INSYN2A: variants seen among roughly 807,000 people sequenced by gnomAD.
INSYN2A encodes family with sequence similarity 196 member A.
Under a neutral mutation model 39.4 loss-of-function variants are expected in INSYN2A, and 17 were observed. The observed-to-expected ratio is 0.43, with a 90% CI of 0.30 to 0.65. INSYN2A has a LOEUF of 0.65. INSYN2A is among the 30% of genes least tolerant of loss of function. The pLI, the probability that INSYN2A is intolerant of heterozygous loss-of-function variation, is 0.14. For synonymous variants in INSYN2A, 255 were observed against 265.7 expected (o/e 0.96, Z 0.39); for missense variants, 595 against 631.2 (o/e 0.94, Z 0.61).
intron 2 of INSYN2A, among the ~76,000 whole-genome samples, chr10:127,184,736 T>C (rs1365491888): frequency 6.6e-6 from 1 of 152,226 alleles, no homozygotes; most frequent in African/African-American, 2.4e-5. Context: ...CAGTCTCTAC[T>C]TTGTGTCTTC....
intron 4 of INSYN2A, among the ~76,000 whole-genome samples, chr10:127,158,966 G>A (rs1346754528): frequency 6.6e-6 from 1 of 152,004 alleles, no homozygotes; most frequent in Admixed American, 6.6e-5. Flanking sequence ...TTTATCCCAG[G>A]GACCAATTTG....
chr10:127,194,729 G>A (rs1027208734), intron 1 of INSYN2A, among the ~76,000 whole-genome samples: 5 of 152,124 alleles, frequency 3.3e-5, no homozygotes, highest in African/African-American at 4.8e-5. Context: ...AGGGGGGAGC[G>A]TTCAAGTGCA....
chr10:127,138,759 C>G (rs1013351846), intron 5 of INSYN2A, among the ~76,000 whole-genome samples: 3 of 152,198 alleles, frequency 2.0e-5, no homozygotes, highest in Admixed American at 1.3e-4. Context: ...ATTTGCCAAG[C>G]AGTGATAATG....
intron 2 of INSYN2A, among the ~76,000 whole-genome samples, chr10:127,185,541 G>A (rs1190486275): frequency 2.0e-5 from 3 of 152,112 alleles, no homozygotes; most frequent in African/African-American, 4.8e-5. Context: ...CTTAGAGCTG[G>A]GACCTTAGCT....
At chr10:127,157,102 G>A (rs928731080) in intron 4 of INSYN2A, among the ~76,000 whole-genome samples, 4 of 152,308 alleles carry the variant, frequency 2.6e-5, no homozygotes, top group South Asian at 2.1e-4. Context: ...ATAAATGAGC[G>A]AACGGTTAAT....
rs780028933 is a variant in INSYN2A at position 127,175,746 on chromosome 10, G to A, written c.650C>T (p.Ser217Phe). 6 of 1,614,118 alleles carry A rather than the reference G, an allele frequency of 3.7e-6. No individual in the cohort carries two copies. The highest frequency in any genetic ancestry group is 1.7e-5 in the Admixed American group (1 of 60,030). The change falls in exon 4 of 6, where the codon TCC becomes TTC. Residue 217 changes from serine (S) to phenylalanine (F), a missense_variant. Coordinates refer to ENST00000522781, the MANE Select transcript of INSYN2A (RefSeq NM_001039762.3). This position sits in a 1 kb window ranked among gnomAD's most constrained non-coding sequence, Gnocchi z 6.3. Reference sequence around the variant, plus strand: ...GAGCAGCTGGTAATCGGGCTCTTCGGATGGAGGCCGAGTGGAGTTTTGGAG... The same window carrying A: ...GAGCAGCTGGTAATCGGGCTCTTCGAATGGAGGCCGAGTGGAGTTTTGGAG... ...AALQNSTRPP[S>F]EEPDYQLLGR...
At chr10:127,150,903 G>T (rs2052424759) in intron 5 of INSYN2A, among the ~76,000 whole-genome samples, 2 of 152,190 alleles carry the variant, frequency 1.3e-5, no homozygotes, top group Admixed American at 6.5e-5. Context: ...TGTAGTGGGG[G>T]TGCCACATTC....
At chr10:127,161,682 T>C (rs1004997817) in intron 4 of INSYN2A, among the ~76,000 whole-genome samples, 6 of 152,268 alleles carry the variant, frequency 3.9e-5, no homozygotes, top group African/African-American at 1.4e-4. Context: ...GCAGCTGTTC[T>C]TTACGGATCC....
At chr10:127,192,265 A>G (rs1203489008) in intron 2 of INSYN2A, among the ~76,000 whole-genome samples, 4 of 152,208 alleles carry the variant, frequency 2.6e-5, no homozygotes, top group African/African-American at 9.6e-5. Context: ...AATATTCACA[A>G]ATAATGACTT....
Position 127,176,976 on chromosome 10 carries a change from T to A in INSYN2A, c.-105A>T, listed in dbSNP as rs1289340385. On this transcript the variant is annotated 5_prime_UTR_variant, in exon 3 of 6. Coordinates refer to ENST00000522781, the MANE Select transcript of INSYN2A (RefSeq NM_001039762.3). The surrounding 1 kb of genome is among the most constrained non-coding windows in gnomAD (Gnocchi z 4.4). ...AGCCGTTATGGATTCCGGGGGAGAGTTGGCCGTGCTCCTGGGTGGGAACCG... is the reference window on the plus strand; with the variant it reads ...AGCCGTTATGGATTCCGGGGGAGAGATGGCCGTGCTCCTGGGTGGGAACCG... 1 of 151,680 alleles carries A rather than the reference T, an allele frequency of 6.6e-6. No individual in the cohort carries two copies. Among genetic ancestry groups the A allele is most frequent in the Non-Finnish European group, 1.5e-5 (1 of 68,136 alleles). The allele number at this position is 151,680 out of a possible 1,614,324, so 9.4% of individuals were successfully genotyped here. A position where few individuals can be genotyped will look rare whatever the true frequency, so the allele number is the denominator to read the frequency against.
intron 5 of INSYN2A, among the ~76,000 whole-genome samples, chr10:127,144,205 G>A (rs149897725): frequency 2.3e-3 from 353 of 152,236 alleles, no homozygotes; most frequent in Non-Finnish European, 3.7e-3. Context: ...TAGGAAAACT[G>A]GCAAACTCCT....
At chr10:127,147,298 T>C (rs1171360048) in intron 5 of INSYN2A, among the ~76,000 whole-genome samples, 1 of 152,182 alleles carries the variant, frequency 6.6e-6, no homozygotes, top group East Asian at 1.9e-4. Context: ...GTGCCCTGGC[T>C]GTTTGTCCTC....
chr10:127,187,462 C>T (rs1465264213), intron 2 of INSYN2A, among the ~76,000 whole-genome samples: 5 of 152,284 alleles, frequency 3.3e-5, no homozygotes, highest in Non-Finnish European at 4.4e-5. Flanking sequence ...TGTATGCTTT[C>T]GCCTTCTTGA....
At chr10:127,169,745 G>C (rs2054391371) in intron 4 of INSYN2A, among the ~76,000 whole-genome samples, 1 of 152,142 alleles carries the variant, frequency 6.6e-6, no homozygotes, top group African/African-American at 2.4e-5. Context: ...AGCTGACCCT[G>C]AGCCCCTGCA....
intron 4 of INSYN2A, among the ~76,000 whole-genome samples, chr10:127,157,539 TCTTG>T (rs1244722140): frequency 6.6e-6 from 1 of 152,262 alleles, no homozygotes; most frequent in Non-Finnish European, 1.5e-5. Context: ...ATTTTCTTTC[TCTTG>T]CTTCTTTTAT....
chr10:127,138,269 A>G (rs768588246), intron 5 of INSYN2A, among the ~76,000 whole-genome samples: 5 of 152,226 alleles, frequency 3.3e-5, no homozygotes, highest in Non-Finnish European at 7.3e-5. Context: ...TAATGTGCAC[A>G]GTTGGTGTAT....
At chr10:127,192,129 A>C (rs915792119) in intron 2 of INSYN2A, among the ~76,000 whole-genome samples, 2 of 152,234 alleles carry the variant, frequency 1.3e-5, no homozygotes, top group African/African-American at 4.8e-5. Context: ...TATGCTGTGC[A>C]GAGATGTAAG....
chr10:127,154,716 G>A lies in INSYN2A; in HGVS notation c.1185-793C>T, dbSNP rs182417618. ...TCAGTTCTGTCAGACCCCTGAGGCCGGGCAGATTTTGGCCTTTGTAGGGGA... is the reference window on the plus strand; with the variant it reads ...TCAGTTCTGTCAGACCCCTGAGGCCAGGCAGATTTTGGCCTTTGTAGGGGA... On this transcript the variant is annotated intron_variant, in intron 4 of 5. Transcript: ENST00000522781. Among the ~76,000 whole-genome samples, 323 of 152,148 alleles carry A rather than the reference G, an allele frequency of 2.1e-3. 2 individuals are homozygous for A. Among genetic ancestry groups the A allele is most frequent in the Middle Eastern group, 6.8e-3 (2 of 294 alleles).
chr10:127,150,175 T>TG (rs2052349674), intron 5 of INSYN2A, among the ~76,000 whole-genome samples: 1 of 152,218 alleles, frequency 6.6e-6, no homozygotes, highest in Non-Finnish European at 1.5e-5. Context: ...ACACTGCTAC[T>TG]GAGTCACCTG....
Sources: gnomAD v4.1 joint callset for allele counts (sites outside exome capture counted in the v4.1 genomes callset) on GRCh38, gnomAD v4.1.1 for gene constraint, Gnocchi (gnomAD v3.1) non-coding constraint, MANE v1.5 for transcripts, NCBI Gene and HGNC (gene_info 2026-07-23, HGNC 2026-07-21) for gene names.